Variants in RBFOX2 observed in about 807,000 individuals in gnomAD.
RBFOX2 encodes the protein RNA binding fox-1 homolog 2.
Under a neutral mutation model 49.1 loss-of-function variants are expected in RBFOX2, and 10 were observed. The observed-to-expected ratio is 0.20, with a 90% CI of 0.13 to 0.35. The LOEUF (loss-of-function observed/expected upper bound fraction) is 0.35. Among genes scored for constraint, RBFOX2 ranks in the 10% least tolerant of loss-of-function variants. The probability of loss-of-function intolerance (pLI) is 1.00; values close to 1 mark genes in which losing one functional copy is unlikely to be tolerated. For synonymous variants in RBFOX2, 183 were observed against 187.4 expected (o/e 0.98, Z 0.19); for missense variants, 323 against 486.9 (o/e 0.66, Z 3.17).
In RBFOX2 at chr22:35,875,734, A is replaced by T. The variant is rs562804245; in HGVS notation, c.-34+63113T>A. On this transcript the variant is annotated intron_variant, in intron 1 of 13. Transcript: ENST00000359369. ...CACACAAGAATCTGGACAAGTCCCGACTACCCTTTTCCAACCTGCCTATTC... is the reference window on the plus strand; with the variant it reads ...CACACAAGAATCTGGACAAGTCCCGTCTACCCTTTTCCAACCTGCCTATTC... Among the ~76,000 whole-genome samples, 50 of 151,020 alleles carry T rather than the reference A, an allele frequency of 3.3e-4. No individual in the cohort carries two copies. The South Asian group carries it at 0.01, about 31-fold the overall frequency.
intron 8 of RBFOX2, among the ~76,000 whole-genome samples, chr22:35,760,780 A>G (rs1246698507): frequency 6.6e-6 from 1 of 152,172 alleles, no homozygotes; most frequent in Non-Finnish European, 1.5e-5. Flanking sequence ...CTGGAGTAAA[A>G]TGGCTCAGGT....
chr22:35,932,814 A>G (rs5750201), intron 1 of RBFOX2, among the ~76,000 whole-genome samples: 14,296 of 152,208 alleles, frequency 0.094, 760 homozygotes, highest in African/African-American at 0.14. Flanking sequence ...CCGGGAGGCA[A>G]ATGTTGCAGT....
chr22:35,768,206 A>G lies in RBFOX2; in HGVS notation c.546+51T>C, dbSNP rs539573234. The G allele has an allele frequency of 6.1e-5, 97 of 1,584,822 alleles. No homozygotes were observed. The South Asian group carries it at 1.0e-3, about 17-fold the overall frequency. On this transcript the variant is annotated intron_variant, in intron 5 of 11. Coordinates refer to ENST00000405409, the Ensembl canonical transcript of RBFOX2. The stretch of plus-strand genomic sequence containing the variant: ...TGTGAACTAAGTGAGGCAACACGAA[A>G]AAAGAGAAATAAAAATATAAACCAG...
upstream of RBFOX2, among the ~76,000 whole-genome samples, chr22:35,942,402 C>T (rs974106718): frequency 1.3e-5 from 2 of 152,006 alleles, no homozygotes; most frequent in African/African-American, 2.4e-5. Flanking sequence ...TGTAACTTCA[C>T]ATCTCTATCT....
At chr22:36,013,911 T>TA (rs1378655766) in intron 1 of RBFOX2, among the ~76,000 whole-genome samples, 3 of 152,054 alleles carry the variant, frequency 2.0e-5, no homozygotes, top group Non-Finnish European at 4.4e-5. Flanking sequence ...TTTATGAATT[T>TA]AGAGTTAGGA....
intron 1 of RBFOX2, among the ~76,000 whole-genome samples, chr22:36,001,372 A>T (rs1184459297): frequency 1.3e-5 from 2 of 152,208 alleles, no homozygotes; most frequent in Non-Finnish European, 2.9e-5. Context: ...ACATATCAAT[A>T]AGAAAAAAAC....
chr22:36,022,869 T>TG (rs922615745), intron 1 of RBFOX2, among the ~76,000 whole-genome samples: 15 of 152,132 alleles, frequency 9.9e-5, no homozygotes, highest in African/African-American at 3.6e-4. Flanking sequence ...AGCCAGAAGG[T>TG]GGGCCCTCAC....
At chr22:35,969,362 C>A (rs1352275469) in intron 1 of RBFOX2, among the ~76,000 whole-genome samples, 1 of 152,126 alleles carries the variant, frequency 6.6e-6, no homozygotes, top group East Asian at 1.9e-4. Context: ...CACTTGAGGT[C>A]AGGAGTTTGA....
chr22:35,769,273 A>G (rs1248233349), intron 4 of RBFOX2, among the ~76,000 whole-genome samples: 3 of 152,166 alleles, frequency 2.0e-5, no homozygotes, highest in African/African-American at 4.8e-5. Flanking sequence ...TAGAAAAAGG[A>G]TATCAGAAAA....
At chr22:35,771,327 T>A (rs1942620725) in intron 4 of RBFOX2, among the ~76,000 whole-genome samples, 1 of 152,164 alleles carries the variant, frequency 6.6e-6, no homozygotes, top group African/African-American at 2.4e-5. Context: ...TGAGAAAGAC[T>A]TGACTGGCCA....
At chr22:35,928,552 T>C (rs2051958628) in intron 1 of RBFOX2, among the ~76,000 whole-genome samples, 1 of 152,256 alleles carries the variant, frequency 6.6e-6, no homozygotes. Flanking sequence ...ATGCCTGTTT[T>C]CATAGTTGCT....
At chr22:35,901,767 T>C (rs554015268) in intron 1 of RBFOX2, among the ~76,000 whole-genome samples, 53 of 152,246 alleles carry the variant, frequency 3.5e-4, no homozygotes, top group African/African-American at 1.2e-3. Flanking sequence ...AACCCAGAGC[T>C]ACCACCCCTA....
intron 1 of RBFOX2, among the ~76,000 whole-genome samples, chr22:35,826,046 C>CAA (rs71736820): frequency 2.0e-4 from 20 of 100,860 alleles, no homozygotes; most frequent in South Asian, 1.0e-3. Flanking sequence ...TTGCTTTTGG[C>CAA]AAAAAAAAAA....
intron 1 of RBFOX2, chr22:35,824,455 C>G (rs1314114103): frequency 1.3e-5 from 2 of 152,206 alleles, no homozygotes; most frequent in Non-Finnish European, 2.9e-5. Context: ...TAAGGCAGGC[C>G]ATGGACTCTG....
intron 1 of RBFOX2, among the ~76,000 whole-genome samples, chr22:35,868,678 T>C (rs1014923000): frequency 1.3e-5 from 2 of 152,214 alleles, no homozygotes; most frequent in African/African-American, 4.8e-5. Context: ...ATTCTTAATA[T>C]GGTTGAGCTT....
chr22:35,976,380 C>G (rs1323415391), intron 1 of RBFOX2, among the ~76,000 whole-genome samples: 1 of 151,992 alleles, frequency 6.6e-6, no homozygotes, highest in Non-Finnish European at 1.5e-5. Flanking sequence ...TTCCTGTTCT[C>G]AACAAGTACC....
Position 35,760,031 on chromosome 22 carries a change from A to T in RBFOX2, c.755-11T>A. On this transcript the variant is annotated splice_polypyrimidine_tract_variant and intron_variant, in intron 8 of 11. Transcript: ENST00000405409. ...AAGGGAAGCCAGGAACTAAAGGGAGACCCAAAATATGACAGAAATTTCAAC... is the reference window on the plus strand; with the variant it reads ...AAGGGAAGCCAGGAACTAAAGGGAGTCCCAAAATATGACAGAAATTTCAAC... 6.2e-7 allele frequency: 1 copy of T among 1,613,558 alleles called. No individual in the cohort carries two copies. Among genetic ancestry groups the T allele is most frequent in the Non-Finnish European group, 8.5e-7 (1 of 1,179,980 alleles).
chr22:35,751,262 T>C (rs1219335209), intron 9 of RBFOX2, among the ~76,000 whole-genome samples: 2 of 152,252 alleles, frequency 1.3e-5, no homozygotes, highest in Non-Finnish European at 2.9e-5. Context: ...TTGGTGAGCA[T>C]GTGATGTCAA....
At chr22:35,782,006 G>A (rs912255174) in intron 2 of RBFOX2, among the ~76,000 whole-genome samples, 3 of 152,156 alleles carry the variant, frequency 2.0e-5, no homozygotes, top group Admixed American at 6.5e-5. Flanking sequence ...TAACGAACAC[G>A]GAAGTACTAA....
Sources: allele counts gnomAD v4.1 joint callset (sites outside exome capture counted in the v4.1 genomes callset), GRCh38; gene constraint gnomAD v4.1.1; transcripts MANE v1.5; gene names NCBI Gene and HGNC (gene_info 2026-07-23, HGNC 2026-07-21).